Variants in MATCAP1 observed in about 807,000 individuals in gnomAD.
MATCAP1 encodes the protein microtubule-associated tyrosine carboxypeptidase 1.
the MATCAP1 span, chr16:67,183,900 GCTCCC>G: frequency 5.7e-6 from 1 of 176,340 alleles, no homozygotes; most frequent in Non-Finnish European, 1.2e-5. Context: ...GCCGCCCGCC[GCTCCC>G]GCTCTGCTAC....
chr16:67,178,390 A>G, the MATCAP1 span: 2 of 1,550,578 alleles, frequency 1.3e-6, no homozygotes, highest in Non-Finnish European at 1.7e-6. Flanking sequence ...CACGCTGTGC[A>G]GGCTGGCCAG....
the MATCAP1 span, among the ~76,000 whole-genome samples, chr16:67,182,814 C>T: frequency 1.3e-5 from 2 of 152,276 alleles, no homozygotes; most frequent in African/African-American, 4.8e-5. Context: ...AGTAAACCTC[C>T]TCTCCCCTCT....
the MATCAP1 span, chr16:67,180,760 T>C: frequency 1.5e-5 from 7 of 465,424 alleles, no homozygotes; most frequent in Non-Finnish European, 2.2e-5. Flanking sequence ...TGCTGGGCCC[T>C]TGGTGGGCCC....
chr16:67,177,363 A>C, the MATCAP1 span, among the ~76,000 whole-genome samples: 2 of 152,166 alleles, frequency 1.3e-5, no homozygotes, highest in African/African-American at 4.8e-5. Context: ...CACCCAGGTC[A>C]GATTCCCGGG....
the MATCAP1 span, chr16:67,179,784 T>C: frequency 1.2e-6 from 2 of 1,612,068 alleles, no homozygotes. The surrounding 1 kb of genome is among the most constrained non-coding windows in gnomAD (Gnocchi z 5.2). Context: ...ATTTGGGGCA[T>C]GTAGAGGAAG....
the MATCAP1 span, chr16:67,183,942 G>T: frequency 5.2e-6 from 1 of 193,518 alleles, no homozygotes; most frequent in Non-Finnish European, 1.1e-5. Flanking sequence ...CCAGCCGGCG[G>T]GAGCCGTCGC....
the MATCAP1 span, chr16:67,176,044 G>A: frequency 7.0e-6 from 1 of 142,706 alleles, no homozygotes; most frequent in South Asian, 2.2e-4. This position sits in a 1 kb window ranked among gnomAD's most constrained non-coding sequence, Gnocchi z 4.3. Flanking sequence ...TGACTCTCAA[G>A]GCCTGAATCA....
At chr16:67,180,112 C>G in the MATCAP1 span, 1 of 1,614,204 alleles carries the variant, frequency 6.2e-7, no homozygotes, top group Non-Finnish European at 8.5e-7. Context: ...TCCTGGTACT[C>G]AAACTGTGGA....
chr16:67,180,078 TC>T, the MATCAP1 span: 1 of 1,614,196 alleles, frequency 6.2e-7, no homozygotes, highest in Non-Finnish European at 8.5e-7. Context: ...GCAGTACTTT[TC>T]CAGCACAGCC....
At chr16:67,178,212 G>A in the MATCAP1 span, 5 of 1,540,458 alleles carry the variant, frequency 3.2e-6, no homozygotes, top group Admixed American at 9.9e-5. Flanking sequence ...GCAGCGAGGT[G>A]TCGGTCTGGC....
chr16:67,178,953 A>G, the MATCAP1 span: 3 of 413,064 alleles, frequency 7.3e-6, no homozygotes, highest in Non-Finnish European at 1.3e-5. Flanking sequence ...AGGGACAGAC[A>G]GATAGGAATA....
At chr16:67,176,727 G>T in the MATCAP1 span, 1 of 1,312,034 alleles carries the variant, frequency 7.6e-7, no homozygotes. This position sits in a 1 kb window ranked among gnomAD's most constrained non-coding sequence, Gnocchi z 4.3. Flanking sequence ...CTAGGCCGTG[G>T]ACGCACAGAG....
At chr16:67,179,205 A>G in the MATCAP1 span, 1 of 1,367,892 alleles carries the variant, frequency 7.3e-7, no homozygotes, top group Non-Finnish European at 9.4e-7. This position sits in a 1 kb window ranked among gnomAD's most constrained non-coding sequence, Gnocchi z 5.2. Context: ...AATATACCCG[A>G]AAGGACCAAG....
the MATCAP1 span, chr16:67,179,642 C>A: frequency 6.7e-7 from 1 of 1,492,522 alleles, no homozygotes. This position sits in a 1 kb window ranked among gnomAD's most constrained non-coding sequence, Gnocchi z 5.2. Context: ...CACAGGGCAG[C>A]GAGGCCAGAC....
At chr16:67,179,677 A>C in the MATCAP1 span, 5 of 1,475,130 alleles carry the variant, frequency 3.4e-6, no homozygotes, top group South Asian at 6.0e-5. This position sits in a 1 kb window ranked among gnomAD's most constrained non-coding sequence, Gnocchi z 5.2. Flanking sequence ...CCCACCCTTC[A>C]TCACCTCTGC....
At chr16:67,175,992 A>G in the MATCAP1 span, 3 of 152,664 alleles carry the variant, frequency 2.0e-5, no homozygotes, top group Non-Finnish European at 4.4e-5. Context: ...AGCAGAGGCC[A>G]GTGGAGGGAG....
At chr16:67,179,535 G>T in the MATCAP1 span, 2 of 1,613,158 alleles carry the variant, frequency 1.2e-6, no homozygotes, top group African/African-American at 1.3e-5. This position sits in a 1 kb window ranked among gnomAD's most constrained non-coding sequence, Gnocchi z 5.2. Flanking sequence ...GCCTGGGACA[G>T]CAGGTCCTCA....
At chr16:67,179,676 C>T in the MATCAP1 span, 10 of 1,474,398 alleles carry the variant, frequency 6.8e-6, no homozygotes, top group South Asian at 1.2e-4. This position sits in a 1 kb window ranked among gnomAD's most constrained non-coding sequence, Gnocchi z 5.2. Flanking sequence ...ACCCACCCTT[C>T]ATCACCTCTG....
At chr16:67,181,753 C>T in the MATCAP1 span, 3,183 of 152,458 alleles carry the variant, frequency 0.021, 51 homozygotes, top group Non-Finnish European at 0.032. Flanking sequence ...GCTACAGCCC[C>T]GCTGCATCTC....
Sources: gnomAD v4.1 joint callset for allele counts (sites outside exome capture counted in the v4.1 genomes callset) on GRCh38, gnomAD v4.1.1 for gene constraint, Gnocchi (gnomAD v3.1) non-coding constraint, MANE v1.5 for transcripts, NCBI Gene and HGNC (gene_info 2026-07-23, HGNC 2026-07-21) for gene names.